The following MALRD1 variants were observed in gnomAD, a reference collection of about 807,000 sequenced individuals.
The protein encoded by MALRD1 is MAM and LDL-receptor class A domain-containing protein 1.
In MALRD1, 247 loss-of-function variants were observed where a neutral mutation model predicts 242.1. That is an observed-to-expected ratio of 1.02 (90% CI 0.92 to 1.13). The LOEUF (loss-of-function observed/expected upper bound fraction) is 1.13, where lower values mean the gene tolerates loss of function less well. MALRD1 is among the 50% of genes most tolerant of loss of function. The pLI, the probability that MALRD1 is intolerant of heterozygous loss-of-function variation, is 0.00. For missense variants in MALRD1, 2,989 were observed against 2,533.1 expected (o/e 1.18, Z -3.86); for synonymous variants, 995 against 866.6 (o/e 1.15, Z -2.60).
intron 2 of MALRD1, among the ~76,000 whole-genome samples, chr10:19,084,080 C>T (rs1429908822): frequency 6.6e-6 from 1 of 151,950 alleles, no homozygotes; most frequent in African/African-American, 2.4e-5. Flanking sequence ...ATGGCAGCAT[C>T]CATGTACAAC....
At chr10:19,153,404 A>C (rs1268094254) in intron 11 of MALRD1, among the ~76,000 whole-genome samples, 2 of 152,280 alleles carry the variant, frequency 1.3e-5, no homozygotes, top group East Asian at 3.9e-4. Context: ...ATAATGTTGC[A>C]AATATTTGTT....
intron 28 of MALRD1, among the ~76,000 whole-genome samples, chr10:19,448,182 C>CT (rs892233422): frequency 8.6e-5 from 13 of 151,714 alleles, no homozygotes; most frequent in African/African-American, 2.9e-4. Context: ...TCAGACATTC[C>CT]TTTTTTTTCC....
chr10:19,636,606 ACCAGTACAGTGGC>A (rs946998849), intron 36 of MALRD1, among the ~76,000 whole-genome samples: 4 of 152,186 alleles, frequency 2.6e-5, no homozygotes, highest in African/African-American at 9.6e-5. Context: ...ATGTATTTCA[ACCAGTACAGTGGC>A]CCAGTACAGT....
intron 29 of MALRD1, among the ~76,000 whole-genome samples, chr10:19,484,909 A>C (rs1487757687): frequency 1.3e-5 from 2 of 152,228 alleles, no homozygotes; most frequent in East Asian, 3.9e-4. Flanking sequence ...AATTGCAAAG[A>C]TATGGAATCA....
At chr10:19,529,936 G>C (rs114637851) in intron 31 of MALRD1, among the ~76,000 whole-genome samples, 503 of 152,138 alleles carry the variant, frequency 3.3e-3, no homozygotes, top group African/African-American at 0.011. Context: ...TATGTTCTAT[G>C]TACATGCATA....
At chr10:19,292,431 G>A (rs1331376100) in intron 21 of MALRD1, among the ~76,000 whole-genome samples, 1 of 152,034 alleles carries the variant, frequency 6.6e-6, no homozygotes, top group Non-Finnish European at 1.5e-5. Flanking sequence ...CTATTTGTTT[G>A]AATATACACT....
intron 36 of MALRD1, among the ~76,000 whole-genome samples, chr10:19,644,712 C>G (rs1032811151): frequency 6.6e-6 from 1 of 152,104 alleles, no homozygotes; most frequent in African/African-American, 2.4e-5. Context: ...GCACCATTGT[C>G]TCATTTAATT....
intron 36 of MALRD1, among the ~76,000 whole-genome samples, chr10:19,653,583 A>G (rs1045359274): frequency 6.6e-6 from 1 of 152,164 alleles, no homozygotes; most frequent in Non-Finnish European, 1.5e-5. Flanking sequence ...TCTTGTGTTG[A>G]AGTTTTCATT....
intron 18 of MALRD1, among the ~76,000 whole-genome samples, chr10:19,235,681 G>A (rs1838288866): frequency 1.3e-5 from 2 of 149,050 alleles, no homozygotes; most frequent in South Asian, 4.3e-4. Context: ...CAGAATGAAT[G>A]GAAAGGATTC....
At chr10:19,280,566 G>A (rs1840753984) in intron 20 of MALRD1, among the ~76,000 whole-genome samples, 2 of 152,136 alleles carry the variant, frequency 1.3e-5, no homozygotes, top group Admixed American at 1.3e-4. Flanking sequence ...TGTTTAGGGA[G>A]GTAGCTTTAT....
At chr10:19,248,164 G>A (rs1839144972) in intron 18 of MALRD1, among the ~76,000 whole-genome samples, 1 of 151,978 alleles carries the variant, frequency 6.6e-6, no homozygotes, top group African/African-American at 2.4e-5. Flanking sequence ...TAAGGTTGCT[G>A]TTTGCTATGT....
At chr10:19,648,183 C>G (rs1840728711) in intron 36 of MALRD1, among the ~76,000 whole-genome samples, 2 of 152,146 alleles carry the variant, frequency 1.3e-5, no homozygotes, top group South Asian at 4.1e-4. Flanking sequence ...AAGAGAAATA[C>G]TAGAGATCAA....
rs1320219321 is a variant in MALRD1, at chr10:19,531,343, A to T, written c.5470A>T (p.Ile1824Leu). Residue 1824 changes from isoleucine (I) to leucine (L), a missense_variant, in exon 32 of 40, where the codon ATA (isoleucine) becomes TTA (leucine). Ile to Leu is a conservative substitution (Grantham distance 5). Transcript: ENST00000454679. ...FYMIDPRSMGILKVYTIEESG... is the reference protein window; with the variant it reads ...FYMIDPRSMGLLKVYTIEESG... ...CATGATTGATCCCAGGAGTATGGGAATATTAAAGGTACAAAAGGAAGCCAG... is the reference window on the plus strand; with the variant it reads ...CATGATTGATCCCAGGAGTATGGGATTATTAAAGGTACAAAAGGAAGCCAG... 1 of 1,538,700 alleles carries T rather than the reference A, an allele frequency of 6.5e-7. No homozygotes were observed. The highest frequency in any genetic ancestry group is 1.2e-5 in the South Asian group (1 of 82,466).
chr10:19,686,110 G>T (rs1842571837), intron 36 of MALRD1, among the ~76,000 whole-genome samples: 1 of 152,056 alleles, frequency 6.6e-6, no homozygotes, highest in South Asian at 2.1e-4. Context: ...ATAAGACAGA[G>T]GAAAGACACA....
chr10:19,464,772 T>A (rs1310231682), intron 29 of MALRD1, among the ~76,000 whole-genome samples: 4 of 152,176 alleles, frequency 2.6e-5, no homozygotes, highest in African/African-American at 9.7e-5. Flanking sequence ...TCATGGGAAC[T>A]ACATTGAATT....
intron 2 of MALRD1, among the ~76,000 whole-genome samples, chr10:19,070,594 A>G (rs1213236839): frequency 1.3e-5 from 2 of 152,010 alleles, no homozygotes; most frequent in East Asian, 3.9e-4. Flanking sequence ...ATTTTCCCTT[A>G]CTTCATTGTG....
At chr10:19,318,171 G>A (rs1359226208) in intron 21 of MALRD1, among the ~76,000 whole-genome samples, 2 of 151,958 alleles carry the variant, frequency 1.3e-5, no homozygotes, top group Non-Finnish European at 2.9e-5. Context: ...TCTCATTGCA[G>A]ACATAGGCAA....
intron 29 of MALRD1, among the ~76,000 whole-genome samples, chr10:19,455,827 G>A (rs1366445932): frequency 2.6e-5 from 4 of 152,164 alleles, no homozygotes. Flanking sequence ...ACGGAGAGCT[G>A]GGCTGAAATG....
intron 33 of MALRD1, among the ~76,000 whole-genome samples, chr10:19,577,688 C>G (rs1477693181): frequency 6.6e-6 from 1 of 151,998 alleles, no homozygotes; most frequent in Admixed American, 6.6e-5. Flanking sequence ...AAAGATGAAG[C>G]CTTTTACGTG....
Sources: gnomAD v4.1 joint callset for allele counts (sites outside exome capture counted in the v4.1 genomes callset) on GRCh38, gnomAD v4.1.1 for gene constraint, MANE v1.5 for transcripts, NCBI Gene and HGNC (gene_info 2026-07-23, HGNC 2026-07-21) for gene names.